The following GRID1 variants were observed in gnomAD, a reference collection of about 807,000 sequenced individuals.
The protein encoded by GRID1 is glutamate receptor ionotropic, delta-1.
Under a neutral mutation model 98.0 loss-of-function variants are expected in GRID1, and 28 were observed. The ratio of observed to expected loss-of-function variants is 0.29; its 90% CI spans 0.21 to 0.39. The LOEUF is 0.39. GRID1 is among the 10% of genes least tolerant of loss of function. GRID1 has a pLI of 1.00. For missense variants in GRID1, 1,111 were observed against 1,340.5 expected (o/e 0.83, Z 2.67); for synonymous variants, 553 against 538.5 (o/e 1.03, Z -0.37).
intron 3 of GRID1, among the ~76,000 whole-genome samples, chr10:86,144,534 C>T (rs528899200): frequency 2.0e-4 from 31 of 152,286 alleles, no homozygotes; most frequent in African/African-American, 7.5e-4. Flanking sequence ...TACATCCCGG[C>T]CGCTCGCCCT....
chr10:85,772,986 A>G (rs1289247006), intron 8 of GRID1, among the ~76,000 whole-genome samples: 1 of 152,204 alleles, frequency 6.6e-6, no homozygotes, highest in East Asian at 1.9e-4. Flanking sequence ...GGCCAGCATC[A>G]TCCTGATACC....
chr10:86,363,904 C>T, intron 2 of GRID1, 37 bp downstream of exon 2: 1 of 1,589,368 alleles, frequency 6.3e-7, no homozygotes, highest in Non-Finnish European at 8.6e-7. Context: ...CCTCGCAGGC[C>T]GTGTCCCAGT....
intron 4 of GRID1, among the ~76,000 whole-genome samples, chr10:86,091,331 G>A (rs187860291): frequency 7.2e-5 from 11 of 152,130 alleles, no homozygotes; most frequent in African/African-American, 2.2e-4. Context: ...TTCAGTTTGC[G>A]TGGGAGTTGG....
At chr10:86,138,750 C>G in intron 4 of GRID1, 69 bp downstream of exon 4, 3 of 1,285,128 alleles carry the variant, frequency 2.3e-6, no homozygotes, top group Non-Finnish European at 3.4e-6. Flanking sequence ...TGCCCTGCAG[C>G]CCACCTGAAC....
At chr10:85,731,031 GA>G (rs1412518200) in intron 8 of GRID1, among the ~76,000 whole-genome samples, 4 of 152,272 alleles carry the variant, frequency 2.6e-5, no homozygotes, top group African/African-American at 9.6e-5. Context: ...CTAAAGTAAA[GA>G]ATGCTTCTAC....
intron 3 of GRID1, among the ~76,000 whole-genome samples, chr10:86,178,312 C>T (rs1845606470): frequency 6.6e-6 from 1 of 152,112 alleles, no homozygotes; most frequent in Admixed American, 6.5e-5. Context: ...TTGGACACAG[C>T]CCCAAACCTT....
chr10:85,729,507 T>C lies in GRID1; in HGVS notation c.1335+6A>G. 1.3e-6 allele frequency: 2 copies of C among 1,559,312 alleles called. No individual in the cohort carries two copies. The highest frequency in any genetic ancestry group is 1.8e-6 in the Non-Finnish European group (2 of 1,131,588). On this transcript the variant is annotated splice_donor_region_variant and intron_variant, in intron 9 of 15. Coordinates refer to ENST00000327946, the MANE Select transcript of GRID1 (RefSeq NM_017551.3). ...GCTCGCTCCCAGAATGTCCCCATGATCCTACCAAGACAGTCACCACTTTAA... is the reference window on the plus strand; with the variant it reads ...GCTCGCTCCCAGAATGTCCCCATGACCCTACCAAGACAGTCACCACTTTAA...
intron 2 of GRID1, among the ~76,000 whole-genome samples, chr10:86,231,727 G>C (rs1273629063): frequency 6.6e-6 from 1 of 152,182 alleles, no homozygotes; most frequent in Non-Finnish European, 1.5e-5. Flanking sequence ...AACCACCACA[G>C]GAGTCATTAG....
intron 2 of GRID1, among the ~76,000 whole-genome samples, chr10:86,226,733 G>T (rs1339174494): frequency 6.7e-6 from 1 of 148,806 alleles, no homozygotes; most frequent in Non-Finnish European, 1.5e-5. Flanking sequence ...TCCCAGCCCG[G>T]CCTCCTCACC....
At chr10:86,086,474 G>A (rs1205173389) in intron 4 of GRID1, among the ~76,000 whole-genome samples, 1 of 152,200 alleles carries the variant, frequency 6.6e-6, no homozygotes, top group Non-Finnish European at 1.5e-5. Context: ...GATGAGGAAA[G>A]CGAGCCCAGG....
intron 6 of GRID1, among the ~76,000 whole-genome samples, chr10:85,859,346 GGGATGGATGGAT>G (rs548270166): frequency 1.3e-5 from 2 of 151,824 alleles, no homozygotes; most frequent in Non-Finnish European, 2.9e-5. Context: ...AATGGATGGA[GGGATGGATGGAT>G]GGATGGATGG....
chr10:85,764,104 G>C (rs770558523), intron 8 of GRID1, among the ~76,000 whole-genome samples: 45 of 152,326 alleles, frequency 3.0e-4, no homozygotes, highest in Admixed American at 7.8e-4. Flanking sequence ...GGAACAGGAT[G>C]ATGAGCCCCT....
chr10:85,913,481 A>G (rs12255016), intron 5 of GRID1, among the ~76,000 whole-genome samples: 14,695 of 152,216 alleles, frequency 0.097, 1,623 homozygotes, highest in African/African-American at 0.26. Flanking sequence ...TGCCTGGCAC[A>G]TAGTAGGTGA....
intron 4 of GRID1, among the ~76,000 whole-genome samples, chr10:86,105,145 G>A (rs1844362342): frequency 6.6e-6 from 1 of 152,246 alleles, no homozygotes; most frequent in Admixed American, 6.5e-5. Flanking sequence ...GGAAGTTGGA[G>A]AAGCACTTTT....
chr10:86,338,290 A>T (rs1268802925), intron 2 of GRID1, among the ~76,000 whole-genome samples: 1 of 151,766 alleles, frequency 6.6e-6, no homozygotes, highest in Non-Finnish European at 1.5e-5. Context: ...TCCTCTGAAG[A>T]CCTCTTTCCC....
chr10:86,229,570 G>A (rs1200432875), intron 2 of GRID1, among the ~76,000 whole-genome samples: 1 of 152,122 alleles, frequency 6.6e-6, no homozygotes, highest in Admixed American at 6.5e-5. Context: ...CTCATGATCT[G>A]GGGGTGGCAG....
intron 4 of GRID1, among the ~76,000 whole-genome samples, chr10:86,060,439 C>T (rs1489174330): frequency 6.6e-6 from 1 of 152,208 alleles, no homozygotes; most frequent in Non-Finnish European, 1.5e-5. Flanking sequence ...AGCCAGAGCA[C>T]CCAATGTGGG....
At chr10:85,960,285 T>G (rs1021853955) in intron 4 of GRID1, among the ~76,000 whole-genome samples, 1 of 152,368 alleles carries the variant, frequency 6.6e-6, no homozygotes, top group Non-Finnish European at 1.5e-5. Flanking sequence ...CAAACTGTCC[T>G]CTGAAATAGT....
At chr10:85,979,049 T>C (rs976658929) in intron 4 of GRID1, among the ~76,000 whole-genome samples, 1 of 151,850 alleles carries the variant, frequency 6.6e-6, no homozygotes, top group African/African-American at 2.4e-5. Context: ...GTGTATGTGG[T>C]GGGGTGGGGG....
Sources: allele counts gnomAD v4.1 joint callset (sites outside exome capture counted in the v4.1 genomes callset), GRCh38; gene constraint gnomAD v4.1.1; transcripts MANE v1.5; gene names NCBI Gene and HGNC (gene_info 2026-07-23, HGNC 2026-07-21).